Variants in SIAH3 observed in about 807,000 individuals in gnomAD.
SIAH3 encodes the protein siah E3 ubiquitin protein ligase family member 3.
SIAH3 carries 9 observed loss-of-function variants against 12.6 expected under a neutral mutation model. That is an observed-to-expected ratio of 0.72 (90% confidence interval 0.43 to 1.25). The LOEUF is 1.25. Ranked by LOEUF, SIAH3 falls within the 50% of genes most tolerant of loss-of-function variation. The pLI, the probability that SIAH3 is intolerant of heterozygous loss-of-function variation, is 0.00. For synonymous variants in SIAH3, 154 were observed against 151.1 expected (o/e 1.02, Z -0.14); for missense variants, 390 against 365.4 (o/e 1.07, Z -0.55).
intron 1 of SIAH3, among the ~76,000 whole-genome samples, chr13:45,795,127 T>C (rs906261973): frequency 3.3e-5 from 5 of 152,200 alleles, no homozygotes; most frequent in African/African-American, 1.2e-4. Context: ...ATTTATTTAT[T>C]CCAAACATGA....
chr13:45,835,013 G>C (rs1950713092), intron 1 of SIAH3, among the ~76,000 whole-genome samples: 1 of 152,120 alleles, frequency 6.6e-6, no homozygotes, highest in Non-Finnish European at 1.5e-5. Context: ...AATTATTAAA[G>C]GGCCCTTTTC....
intron 1 of SIAH3, among the ~76,000 whole-genome samples, chr13:45,818,212 A>G (rs1294046667): frequency 6.6e-6 from 1 of 152,068 alleles, no homozygotes; most frequent in Non-Finnish European, 1.5e-5. Context: ...CTTCCTTTCT[A>G]TCTGTATCTC....
chr13:45,843,033 T>TGTGTG (rs1177132119), intron 1 of SIAH3, among the ~76,000 whole-genome samples: 1,472 of 83,622 alleles, frequency 0.018, 34 homozygotes, highest in African/African-American at 0.052. Context: ...TCTCTCTCTC[T>TGTGTG]CTGTGTGTGT....
At position 45,783,395 on chromosome 13, in the gene SIAH3, T is replaced by C; in HGVS notation, c.798A>G (p.Glu266=). Residue 266 remains glutamate, a synonymous_variant, in exon 2 of 2, where the codon GAA becomes GAG. Coordinates refer to ENST00000400405, the MANE Select transcript of SIAH3 (RefSeq NM_198849.3). The part of the protein sequence containing the change: ...AITATEVLPS[E]AEM Reference sequence around the variant, plus strand: ...GTGGCTCCTGGCCTCACATTTCAGCTTCTGAGGGGAGGACCTCTGTCGCGG... The same window carrying C: ...GTGGCTCCTGGCCTCACATTTCAGCCTCTGAGGGGAGGACCTCTGTCGCGG... 3 of 1,609,934 alleles carry C rather than the reference T, an allele frequency of 1.9e-6. No individual in the cohort carries two copies. The highest frequency in any genetic ancestry group is 2.2e-5 in the South Asian group (2 of 90,860).
At chr13:45,786,574 T>C (rs1950528617) in intron 1 of SIAH3, among the ~76,000 whole-genome samples, 1 of 152,220 alleles carries the variant, frequency 6.6e-6, no homozygotes, top group Non-Finnish European at 1.5e-5. Flanking sequence ...TGGCAAAATA[T>C]TTATCTCAAG....
At chr13:45,790,663 A>C (rs952982855) in intron 1 of SIAH3, among the ~76,000 whole-genome samples, 4 of 152,230 alleles carry the variant, frequency 2.6e-5, no homozygotes, top group Admixed American at 2.0e-4. Context: ...CCATATATTC[A>C]TAGCACAGAT....
At chr13:45,819,290 T>C (rs1593383013) in intron 1 of SIAH3, among the ~76,000 whole-genome samples, 1 of 152,338 alleles carries the variant, frequency 6.6e-6, no homozygotes, top group Non-Finnish European at 1.5e-5. Flanking sequence ...TTGATTGTTT[T>C]GTTGGGTTAG....
chr13:45,825,764 C>T (rs867292950), intron 1 of SIAH3, among the ~76,000 whole-genome samples: 2 of 152,340 alleles, frequency 1.3e-5, no homozygotes, highest in Middle Eastern at 3.4e-3. Flanking sequence ...ACACTGGGCC[C>T]TCATATCATA....
At chr13:45,799,792 C>G (rs1354139814) in intron 1 of SIAH3, among the ~76,000 whole-genome samples, 2 of 152,202 alleles carry the variant, frequency 1.3e-5, no homozygotes, top group African/African-American at 4.8e-5. Flanking sequence ...TGACTTTTCC[C>G]TGCCAACCAG....
chr13:45,798,990 C>T (rs372856812), intron 1 of SIAH3, among the ~76,000 whole-genome samples: 2 of 152,192 alleles, frequency 1.3e-5, no homozygotes, highest in Non-Finnish European at 2.9e-5. Context: ...ACCAGCCTCA[C>T]GACAAGTAGT....
At chr13:45,816,580 G>A (rs1288486625) in intron 1 of SIAH3, among the ~76,000 whole-genome samples, 4 of 152,124 alleles carry the variant, frequency 2.6e-5, no homozygotes, top group East Asian at 3.8e-4. Context: ...TCAGCCCCTC[G>A]GGCGTGCCCC....
intron 1 of SIAH3, among the ~76,000 whole-genome samples, chr13:45,792,007 A>C (rs1200139124): frequency 2.0e-5 from 3 of 152,152 alleles, no homozygotes; most frequent in Non-Finnish European, 2.9e-5. Flanking sequence ...TACCCATGAG[A>C]TGAGGAGCTA....
Position 45,783,205 on chromosome 13 carries a change from C to T in SIAH3, c.*178G>A, listed in dbSNP as rs1950511508. ...ACAGGATGTTTACATAATATAATGC[C>T]CATGGCAGACAAAAACTAAATCTCA... is the stretch of plus-strand genomic sequence containing the variant. On this transcript the variant is annotated 3_prime_UTR_variant, in exon 2 of 2. Coordinates refer to ENST00000400405, the MANE Select transcript of SIAH3 (RefSeq NM_198849.3). The T allele has an allele frequency of 2.5e-6, 1 of 392,550 alleles. No individual in the cohort carries two copies. Among genetic ancestry groups the T allele is most frequent in the African/African-American group, 2.1e-5 (1 of 48,076 alleles). 24.3% of individuals were successfully genotyped at this position (392,550 alleles called of 1,614,324 possible). A position where few individuals can be genotyped will look rare whatever the true frequency, so the allele number is the denominator to read the frequency against.
Position 45,833,068 on chromosome 13 carries a change from G to T in SIAH3, c.135+18427C>A, listed in dbSNP as rs1309968453. Among the ~76,000 whole-genome samples the T allele has an allele frequency of 5.9e-5, 9 of 152,168 alleles. No individual in the cohort carries two copies. In the East Asian group the frequency reaches 1.5e-3, roughly 26 times the overall value. ...ACAGAGGTGGGGGGAAACTGCATAG[G>T]AACTGGGAAAGAGGTGACAAATTTG... On this transcript the variant is annotated intron_variant, in intron 1 of 1. Transcript: ENST00000400405.
At chr13:45,848,325 T>C (rs1476612339) in intron 1 of SIAH3, among the ~76,000 whole-genome samples, 1 of 152,164 alleles carries the variant, frequency 6.6e-6, no homozygotes, top group Non-Finnish European at 1.5e-5. Context: ...AATGGTCTTG[T>C]TTGCACTCCA....
chr13:45,783,499 C>T lies in SIAH3; in HGVS notation c.694G>A (p.Gly232Arg), dbSNP rs373036525. ...GAGGTGTTGAGGACGAGGCAGTCCCCGTCCGTAATCACCGAGTCCACGCAC... is the reference window on the plus strand; with the variant it reads ...GAGGTGTTGAGGACGAGGCAGTCCCTGTCCGTAATCACCGAGTCCACGCAC... The part of the protein sequence containing the change: ...LECVDSVITD[G>R]DCLVLNTSLA... The change falls in exon 2 of 2, where the codon GGG becomes AGG. Residue 232 changes from glycine to arginine, a missense_variant. By Grantham distance (125) the Gly-to-Arg change is moderately radical. Transcript: ENST00000400405. 9.9e-6 allele frequency: 16 copies of T among 1,614,014 alleles called. No homozygotes were observed. Among genetic ancestry groups the T allele is most frequent in the African/African-American group, 2.7e-5 (2 of 74,904 alleles).
chr13:45,849,893 A>T (rs1950773492), intron 1 of SIAH3, among the ~76,000 whole-genome samples: 1 of 152,234 alleles, frequency 6.6e-6, no homozygotes, highest in Admixed American at 6.5e-5. Context: ...GAACTAACTA[A>T]TCCAAAGTGG....
In SIAH3 at chr13:45,830,475, G is replaced by A. The variant is rs1002745296; in HGVS notation, c.135+21020C>T. Among the ~76,000 whole-genome samples, 9 of 152,268 alleles carry A rather than the reference G, an allele frequency of 5.9e-5. No homozygotes were observed. The South Asian group carries it at 8.3e-4, about 14-fold the overall frequency. Reference sequence around the variant, plus strand: ...AAGGCGTGGGGTAGGGGCACAGCCCGAGGCAGGCCAGGTGGGTCCTGCAGA... The same window carrying A: ...AAGGCGTGGGGTAGGGGCACAGCCCAAGGCAGGCCAGGTGGGTCCTGCAGA... On this transcript the variant is annotated intron_variant, in intron 1 of 1. Coordinates refer to ENST00000400405, the MANE Select transcript of SIAH3 (RefSeq NM_198849.3).
At chr13:45,838,557 G>A (rs1394379925) in intron 1 of SIAH3, among the ~76,000 whole-genome samples, 1 of 152,108 alleles carries the variant, frequency 6.6e-6, no homozygotes, top group African/African-American at 2.4e-5. Context: ...GTGCCCCCAG[G>A]CCACCACGCT....
Sources: gnomAD v4.1 joint callset for allele counts (sites outside exome capture counted in the v4.1 genomes callset) on GRCh38, gnomAD v4.1.1 for gene constraint, MANE v1.5 for transcripts, NCBI Gene and HGNC (gene_info 2026-07-23, HGNC 2026-07-21) for gene names.